The following PCCA variants were observed in gnomAD, a reference collection of about 807,000 sequenced individuals.
PCCA encodes the protein propionyl-CoA carboxylase subunit alpha, also known as propionyl-CoA carboxylase alpha chain, mitochondrial.
Under a neutral mutation model 101.3 loss-of-function variants are expected in PCCA, and 74 were observed. The observed-to-expected ratio is 0.73, with a 90% CI of 0.61 to 0.89. The LOEUF is 0.89. Among genes scored for constraint, PCCA ranks in the 40% least tolerant of loss-of-function variants. The pLI is 0.00. For missense variants in PCCA, 891 were observed against 907.0 expected (o/e 0.98, Z 0.23); for synonymous variants, 294 against 313.6 (o/e 0.94, Z 0.66).
chr13:100,450,552 TG>T (rs1351102414), intron 21 of PCCA, among the ~76,000 whole-genome samples: 1 of 152,190 alleles, frequency 6.6e-6, no homozygotes, highest in African/African-American at 2.4e-5. Context: ...GGATTCATAT[TG>T]GGCATTTCAG....
chr13:100,436,481 A>T (rs2152908702), intron 20 of PCCA, among the ~76,000 whole-genome samples: 1 of 152,272 alleles, frequency 6.6e-6, no homozygotes, highest in Non-Finnish European at 1.5e-5. Context: ...CACACAGAAA[A>T]GGTGGGTGGT....
intron 21 of PCCA, among the ~76,000 whole-genome samples, chr13:100,472,462 G>A (rs1245382159): frequency 1.3e-5 from 2 of 152,148 alleles, no homozygotes; most frequent in Non-Finnish European, 2.9e-5. Flanking sequence ...GTGACTGAGT[G>A]CCGACGAGGA....
intron 2 of PCCA, among the ~76,000 whole-genome samples, chr13:100,105,320 C>T (rs1048397402): frequency 1.3e-5 from 2 of 152,112 alleles, no homozygotes; most frequent in African/African-American, 4.8e-5. Flanking sequence ...AATTTAAAAT[C>T]TTCATCATAG....
chr13:100,286,720 G>A (rs974784712), intron 12 of PCCA, among the ~76,000 whole-genome samples: 2 of 151,368 alleles, frequency 1.3e-5, no homozygotes, highest in African/African-American at 2.4e-5. Context: ...TCTGGATAAG[G>A]TGGAGGATAG....
chr13:100,320,015 G>A (rs1438755355), intron 16 of PCCA, among the ~76,000 whole-genome samples: 1 of 152,132 alleles, frequency 6.6e-6, no homozygotes, highest in Non-Finnish European at 1.5e-5. Flanking sequence ...GCAGTGTTTT[G>A]TAGTTCTGTT....
intron 17 of PCCA, among the ~76,000 whole-genome samples, chr13:100,332,015 C>T (rs1304698438): frequency 7.4e-6 from 1 of 135,958 alleles, no homozygotes; most frequent in Non-Finnish European, 1.5e-5. Context: ...TCTTGGCTTA[C>T]TGCAACTCTG....
chr13:100,499,571 A>T (rs1011325622), intron 21 of PCCA, among the ~76,000 whole-genome samples: 4 of 152,230 alleles, frequency 2.6e-5, no homozygotes, highest in African/African-American at 7.2e-5. Context: ...GTAGTGTCTT[A>T]TTAAGGCGGT....
intron 6 of PCCA, among the ~76,000 whole-genome samples, chr13:100,203,137 G>C (rs2152467892): frequency 6.6e-6 from 1 of 152,018 alleles, no homozygotes; most frequent in Non-Finnish European, 1.5e-5. Flanking sequence ...AGCCGGGCGT[G>C]GTGGTGCGCG....
At chr13:100,406,587 C>T (rs2077695820) in intron 19 of PCCA, among the ~76,000 whole-genome samples, 1 of 152,070 alleles carries the variant, frequency 6.6e-6, no homozygotes, top group Non-Finnish European at 1.5e-5. Context: ...GCCTATAATC[C>T]CAGCTACTCA....
chr13:100,162,339 G>C (rs2054569636), intron 6 of PCCA, among the ~76,000 whole-genome samples: 1 of 152,008 alleles, frequency 6.6e-6, no homozygotes, highest in Non-Finnish European at 1.5e-5. Flanking sequence ...TTTATTCTTG[G>C]TTTTATGGAA....
intron 12 of PCCA, among the ~76,000 whole-genome samples, chr13:100,298,994 A>AG (rs1356175575): frequency 6.6e-6 from 1 of 152,072 alleles, no homozygotes; most frequent in African/African-American, 2.4e-5. Context: ...TAAAATTATA[A>AG]GTTTTACTTT....
chr13:100,514,597 T>C (rs1005950685), intron 21 of PCCA, among the ~76,000 whole-genome samples: 3 of 152,216 alleles, frequency 2.0e-5, no homozygotes, highest in Admixed American at 1.3e-4. Context: ...TTGTGGCTCA[T>C]AGATTTATTC....
intron 12 of PCCA, among the ~76,000 whole-genome samples, chr13:100,275,179 C>T (rs919469469): frequency 2.6e-5 from 4 of 152,256 alleles, no homozygotes; most frequent in Non-Finnish European, 5.9e-5. Flanking sequence ...CTGCTTCATC[C>T]TGAGCTTGAG....
chr13:100,273,031 TC>T (rs2063400609), intron 11 of PCCA, among the ~76,000 whole-genome samples, 164 bp from the exon 12 acceptor site: 1 of 152,216 alleles, frequency 6.6e-6, no homozygotes, highest in Admixed American at 6.5e-5. Flanking sequence ...AATAATATAG[TC>T]AACATATATT....
At chr13:100,407,186 T>C (rs1251026606) in intron 19 of PCCA, among the ~76,000 whole-genome samples, 1 of 152,212 alleles carries the variant, frequency 6.6e-6, no homozygotes, top group Non-Finnish European at 1.5e-5. Flanking sequence ...GGAACACATA[T>C]TAGCATTATT....
chr13:100,114,094 C>T (rs2048572849), intron 4 of PCCA, among the ~76,000 whole-genome samples: 2 of 152,034 alleles, frequency 1.3e-5, no homozygotes, highest in African/African-American at 2.4e-5. Context: ...CTCATCAAGA[C>T]ATCAGTAGGC....
chr13:100,368,562 G>C lies in PCCA; in HGVS notation c.1734G>C (p.Gly578=). Residue 578 remains glycine (G), a synonymous_variant, in exon 19 of 24, where the codon GGG becomes GGC. Coordinates refer to ENST00000376285, the MANE Select transcript of PCCA (RefSeq NM_000282.4). ...ATACCGTAGTAGCATCAAACAATGG[G>C]TCAGTGTTCTCGGTGAGTTTTCTTT... ...KVHTVVASNN[G]SVFSVEVDGS... 1 of 1,594,518 alleles carries C rather than the reference G, an allele frequency of 6.3e-7. No homozygotes were observed. The highest frequency in any genetic ancestry group is 8.6e-7 in the Non-Finnish European group (1 of 1,162,562).
intron 6 of PCCA, among the ~76,000 whole-genome samples, chr13:100,170,186 G>A (rs917430807): frequency 4.6e-5 from 7 of 152,174 alleles, no homozygotes; most frequent in African/African-American, 1.7e-4. Flanking sequence ...CGGTAACTTC[G>A]TGATGTCTTA....
chr13:100,215,353 A>G (rs973457171), intron 7 of PCCA, among the ~76,000 whole-genome samples: 1 of 152,272 alleles, frequency 6.6e-6, no homozygotes, highest in Non-Finnish European at 1.5e-5. Flanking sequence ...GAGACTGAAC[A>G]TATTTTTATG....
Sources: gnomAD v4.1 joint callset for allele counts (sites outside exome capture counted in the v4.1 genomes callset) on GRCh38, gnomAD v4.1.1 for gene constraint, MANE v1.5 for transcripts, NCBI Gene and HGNC (gene_info 2026-07-23, HGNC 2026-07-21) for gene names.